The following ZZEF1 variants were observed in gnomAD, a reference collection of about 807,000 sequenced individuals.
ZZEF1 encodes zinc finger ZZ-type and EF-hand domain-containing protein 1.
A neutral mutation model predicts 342.8 loss-of-function variants in ZZEF1; 157 were observed. That is an observed-to-expected ratio of 0.46 (90% CI 0.40 to 0.52). The LOEUF (loss-of-function observed/expected upper bound fraction) is 0.52. Ranked by LOEUF, ZZEF1 falls within the 20% of genes least tolerant of loss-of-function variation. ZZEF1 has a pLI of 0.00. For synonymous variants in ZZEF1, 1,505 were observed against 1,429.1 expected (o/e 1.05, Z -1.20); for missense variants, 3,480 against 3,725.6 (o/e 0.93, Z 1.72).
At chr17:4,009,107 G>C (rs1340243131) in intron 53 of ZZEF1, 153 bp from the exon 54 acceptor site, 5 of 949,260 alleles carry the variant, frequency 5.3e-6, no homozygotes, top group Middle Eastern at 3.4e-4. Context: ...GCCTTGCTCA[G>C]AACCCTGGCG....
At chr17:4,065,023 T>TA (rs918148650) in intron 28 of ZZEF1, among the ~76,000 whole-genome samples, 194 bp from the exon 29 acceptor site, 9 of 149,006 alleles carry the variant, frequency 6.0e-5, no homozygotes, top group Non-Finnish European at 9.0e-5. Context: ...AATTTAAAGT[T>TA]AAAAAAAAAA....
intron 40 of ZZEF1, 158 bp downstream of exon 40, chr17:4,033,857 C>T: frequency 1.1e-6 from 1 of 946,798 alleles, no homozygotes; most frequent in Non-Finnish European, 1.6e-6. Context: ...TGTGGGTTGA[C>T]AGCATTGCTC....
chr17:4,078,113 C>T, intron 18 of ZZEF1, 71 bp from the exon 19 acceptor site: 1 of 1,487,460 alleles, frequency 6.7e-7, no homozygotes, highest in Non-Finnish European at 9.1e-7. Context: ...AGGGCATCCT[C>T]TAAAGCAGCA....
In ZZEF1 at chr17:4,114,467, C is replaced by T. The variant is rs765785603; in HGVS notation, c.698G>A (p.Ser233Asn). The change falls in exon 4 of 55, where the codon AGC becomes AAC. Residue 233 changes from serine to asparagine, a missense_variant. Ser to Asn is a conservative substitution (Grantham distance 46). Transcript: ENST00000381638. The stretch of plus-strand genomic sequence containing the variant: ...TGGACTTCTAGTTAGATCTCCAGGG[C>T]TTTCTGTAGGGGAAACCAGAGTTGA... The part of the protein sequence containing the change: ...LDQLVQKEKE[S>N]PGDLTRSPEM... 6 of 1,532,620 alleles carry T rather than the reference C, an allele frequency of 3.9e-6. No homozygotes were observed. The Admixed American group carries it at 1.2e-4, about 31-fold the overall frequency. 94.9% of individuals were successfully genotyped at this position (1,532,620 alleles called of 1,614,324 possible).
chr17:4,009,469 C>CCGG (rs1567755692), intron 53 of ZZEF1, 135 bp downstream of exon 53: 1 of 1,231,862 alleles, frequency 8.1e-7, no homozygotes, highest in Non-Finnish European at 1.2e-6. Context: ...AGACTCTCAG[C>CCGG]CATGCCTGTC....
At chr17:4,068,167 G>A (rs2057439133) in intron 26 of ZZEF1, among the ~76,000 whole-genome samples, 1 of 152,088 alleles carries the variant, frequency 6.6e-6, no homozygotes, top group Non-Finnish European at 1.5e-5. Flanking sequence ...TAAAGTCCAG[G>A]TAAATAGAAA....
At chr17:4,135,725 A>T (rs1304782839) in intron 1 of ZZEF1, among the ~76,000 whole-genome samples, 1 of 152,162 alleles carries the variant, frequency 6.6e-6, no homozygotes. Context: ...AACAGCGATC[A>T]GGTCCTCGGA....
At chr17:4,097,961 G>A (rs1455389297) in intron 9 of ZZEF1, among the ~76,000 whole-genome samples, 2 of 147,464 alleles carry the variant, frequency 1.4e-5, no homozygotes, top group African/African-American at 4.9e-5. Context: ...AATCAAGGTG[G>A]GTGTGGTGGC....
intron 1 of ZZEF1, among the ~76,000 whole-genome samples, chr17:4,137,476 G>A (rs1294541010): frequency 3.3e-5 from 5 of 152,172 alleles, no homozygotes; most frequent in African/African-American, 1.2e-4. Context: ...GCCGGGCGTG[G>A]TGGCAGGCGC....
chr17:4,054,632 C>T lies in ZZEF1; in HGVS notation c.5296-437G>A, dbSNP rs147008747. Among the ~76,000 whole-genome samples the T allele has an allele frequency of 3.1e-3, 469 of 152,122 alleles. 2 individuals carry two copies. Among genetic ancestry groups the T allele is most frequent in the African/African-American group, 0.01 (431 of 41,492 alleles). ...ATGAAACTGGCATGACTCAGTGCGT[C>T]GAATACAGTACAGAGGGGAAGAGTC... On this transcript the variant is annotated intron_variant, in intron 33 of 54. Coordinates refer to ENST00000381638, the MANE Select transcript of ZZEF1 (RefSeq NM_015113.4).
Position 4,102,402 on chromosome 17 carries a change from CTGGAGAGGT to C in ZZEF1, c.1578_1586del (p.Pro527_Gln529del). On this transcript the variant is annotated inframe_deletion, in exon 9 of 55. Transcript: ENST00000381638. ...TGACATCACATGCCTGAAGAGTCAACTGGAGAGGTTTACCTGACCAAAGAAAAGGAAGAC... is the reference window on the plus strand; with the variant it reads ...TGACATCACATGCCTGAAGAGTCAACTTACCTGACCAAAGAAAAGGAAGAC... 1 of 1,613,620 alleles carries C rather than the reference CTGGAGAGGT, an allele frequency of 6.2e-7. No individual in the cohort carries two copies. The highest frequency in any genetic ancestry group is 8.5e-7 in the Non-Finnish European group (1 of 1,179,638).
chr17:4,054,099 G>C lies in ZZEF1; in HGVS notation c.5392C>G (p.Leu1798Val). 6.2e-7 allele frequency: 1 copy of C among 1,613,910 alleles called. No homozygotes were observed. The change falls in exon 34 of 55, where the codon CTG becomes GTG. Residue 1798 changes from leucine (L) to valine (V), a missense_variant. Transcript: ENST00000381638. Reference sequence around the variant, plus strand: ...CAGAGATCCATGTCGCTGCACTGCAGACAGCGGTATCGATGCCAGGGGGCA... The same window carrying C: ...CAGAGATCCATGTCGCTGCACTGCACACAGCGGTATCGATGCCAGGGGGCA... Reference protein sequence around the residue: ...EIAPWHRYRCLQCSDMDLCKT... With the variant: ...EIAPWHRYRCVQCSDMDLCKT...
rs955520906 is a variant in ZZEF1, at chr17:4,032,903, G to A, written c.6684C>T (p.His2228=). Residue 2228 remains histidine, a synonymous_variant, in exon 41 of 55, where the codon CAC becomes CAT. Transcript: ENST00000381638. ...GCTGGAATGGCAGCTGCTTGATGCA[G>A]TGGTCTGTGAAGGTGGCAATGACAT... ...WRDVIATFTD[H]CIKQLPFQLK... is the part of the protein sequence containing the mutation. 9.9e-6 allele frequency: 16 copies of A among 1,613,988 alleles called. No homozygotes were observed. Among genetic ancestry groups the A allele is most frequent in the Non-Finnish European group, 1.3e-5 (15 of 1,180,000 alleles).
chr17:4,054,274 T>C (rs1176240781), intron 33 of ZZEF1, 79 bp from the exon 34 acceptor site: 2 of 1,471,498 alleles, frequency 1.4e-6, no homozygotes, highest in East Asian at 2.3e-5. Flanking sequence ...CTCCATTCAC[T>C]AGGTACTGAA....
chr17:4,062,698 A>T, intron 30 of ZZEF1, 55 bp downstream of exon 30: 1 of 1,495,036 alleles, frequency 6.7e-7, no homozygotes, highest in Non-Finnish European at 9.0e-7. Flanking sequence ...GATAATCAGG[A>T]TTTATTTACA....
intron 52 of ZZEF1, 47 bp from the exon 53 acceptor site, chr17:4,009,804 A>G: frequency 6.3e-7 from 1 of 1,596,948 alleles, no homozygotes; most frequent in Non-Finnish European, 8.6e-7. Context: ...GAGCCATGCC[A>G]AGGTCACATG....
chr17:4,085,723 C>A lies in ZZEF1; in HGVS notation c.2593G>T (p.Ala865Ser). ...EVRNTLLNGA[A>S]IFFPNRQTRR... The stretch of plus-strand genomic sequence containing the variant: ...GTCTGTCGATTAGGAAAGAAGATGG[C>A]AGCCCCATTGAGAAGGGTATTCCTG... Residue 865 changes from alanine (A) to serine (S), a missense_variant, in exon 16 of 55, where the codon GCC (alanine) becomes TCC (serine). Physicochemically the swap from Ala to Ser is moderately conservative, Grantham distance 99 (BLOSUM62 1). Coordinates refer to ENST00000381638, the MANE Select transcript of ZZEF1 (RefSeq NM_015113.4). The A allele has an allele frequency of 6.2e-7, 1 of 1,614,158 alleles. No homozygotes were observed. Among genetic ancestry groups the A allele is most frequent in the South Asian group, 1.1e-5 (1 of 91,084 alleles).
chr17:4,140,912 T>G (rs2058834476), intron 1 of ZZEF1, among the ~76,000 whole-genome samples: 1 of 40,676 alleles, frequency 2.5e-5, no homozygotes, highest in African/African-American at 4.1e-5. Flanking sequence ...TAATATGACT[T>G]TTTTTTTTTT....
At chr17:4,096,543 T>C (rs1253526003) in intron 10 of ZZEF1, 66 bp downstream of exon 10, 2 of 1,332,250 alleles carry the variant, frequency 1.5e-6, no homozygotes, top group Admixed American at 1.7e-5. Flanking sequence ...ATATACCTAC[T>C]ATGTACCCAT....
Sources: gnomAD v4.1 joint callset for allele counts (sites outside exome capture counted in the v4.1 genomes callset) on GRCh38, gnomAD v4.1.1 for gene constraint, MANE v1.5 for transcripts, NCBI Gene and HGNC (gene_info 2026-07-23, HGNC 2026-07-21) for gene names.